The following TUFT1 variants were observed in gnomAD, a reference collection of about 807,000 sequenced individuals.
TUFT1 encodes tuftelin.
In TUFT1, 43 loss-of-function variants were observed where a neutral mutation model predicts 57.8. The observed-to-expected ratio is 0.74, with a 90% confidence interval of 0.58 to 0.96. The LOEUF (loss-of-function observed/expected upper bound fraction) is 0.96. TUFT1 is among the 40% of genes least tolerant of loss of function. The pLI, the probability that TUFT1 is intolerant of heterozygous loss-of-function variation, is 0.00. For synonymous variants in TUFT1, 166 were observed against 176.7 expected (o/e 0.94, Z 0.48); for missense variants, 459 against 489.0 (o/e 0.94, Z 0.58).
chr1:151,556,348 C>T (rs762755569), intron 1 of TUFT1, among the ~76,000 whole-genome samples: 10 of 151,430 alleles, frequency 6.6e-5, no homozygotes, highest in Non-Finnish European at 1.5e-4. Context: ...CCTTCCTTTT[C>T]CCTTTCCCTC....
chr1:151,563,578 G>A (rs1372362626), intron 3 of TUFT1, among the ~76,000 whole-genome samples: 1 of 152,180 alleles, frequency 6.6e-6, no homozygotes, highest in African/African-American at 2.4e-5. Context: ...TGTGATGTTT[G>A]TACAAGGATG....
intron 5 of TUFT1, chr1:151,565,910 CT>C (rs942958691): frequency 5.6e-4 from 225 of 404,934 alleles, no homozygotes; most frequent in Middle Eastern, 3.7e-3. Flanking sequence ...TCTCCACCCC[CT>C]CTTGTTTCTA....
chr1:151,566,250 G>T, intron 6 of TUFT1, 22 bp downstream of exon 6: 1 of 1,602,884 alleles, frequency 6.2e-7, no homozygotes. Context: ...AGGACACCAT[G>T]GTGGCTCCGC....
At chr1:151,560,844 A>G (rs201303135) in intron 1 of TUFT1, among the ~76,000 whole-genome samples, 1 of 151,916 alleles carries the variant, frequency 6.6e-6, no homozygotes, top group Non-Finnish European at 1.5e-5. Flanking sequence ...CAGGTGATTT[A>G]CTCTGCCTTG....
chr1:151,546,410 T>A (rs1008582649), intron 1 of TUFT1, among the ~76,000 whole-genome samples: 3 of 152,242 alleles, frequency 2.0e-5, no homozygotes, highest in Non-Finnish European at 4.4e-5. Flanking sequence ...ATTTAAAGTA[T>A]GTAACTCAGT....
chr1:151,575,374 C>T (rs1414327608), intron 9 of TUFT1, among the ~76,000 whole-genome samples: 1 of 152,126 alleles, frequency 6.6e-6, no homozygotes, highest in Non-Finnish European at 1.5e-5. Flanking sequence ...CAAAAATTGA[C>T]TGTAAACTGT....
In TUFT1 at chr1:151,564,530, G is replaced by A. The variant is rs1666002132; in HGVS notation, c.330G>A (p.Arg110=). 1 of 1,613,920 alleles carries A rather than the reference G, an allele frequency of 6.2e-7. No individual in the cohort carries two copies. The highest frequency in any genetic ancestry group is 8.5e-7 in the Non-Finnish European group (1 of 1,179,896). The change falls in exon 5 of 13, where the codon AGG becomes AGA. Residue 110 remains arginine, a synonymous_variant. Coordinates refer to ENST00000368849, the MANE Select transcript of TUFT1 (RefSeq NM_020127.3). ...TTCTTCCCCTCCCCTCCCAGGCCAGGAACTGCCTACAGAAGCTCCGGGAGG... is the reference window on the plus strand; with the variant it reads ...TTCTTCCCCTCCCCTCCCAGGCCAGAAACTGCCTACAGAAGCTCCGGGAGG... The part of the protein sequence containing the change: ...KSEVQYIQEA[R]NCLQKLREDI...
chr1:151,570,383 G>A (rs1666219244), intron 7 of TUFT1, among the ~76,000 whole-genome samples: 1 of 152,144 alleles, frequency 6.6e-6, no homozygotes, highest in Admixed American at 6.5e-5. Flanking sequence ...CCGGATTCAA[G>A]CAATTCTCCT....
intron 6 of TUFT1, 71 bp downstream of exon 6, chr1:151,566,299 T>C (rs1558010231): frequency 4.7e-6 from 6 of 1,270,870 alleles, no homozygotes; most frequent in Non-Finnish European, 5.6e-6. Context: ...CATCCTTTTG[T>C]TTATTGCTTT....
At chr1:151,572,403 G>A (rs905678846) in intron 7 of TUFT1, among the ~76,000 whole-genome samples, 2 of 152,012 alleles carry the variant, frequency 1.3e-5, no homozygotes, top group African/African-American at 4.8e-5. Flanking sequence ...TGGGGTGCAA[G>A]AATCAGACCA....
At chr1:151,549,901 T>G (rs1665455456) in intron 1 of TUFT1, among the ~76,000 whole-genome samples, 1 of 152,170 alleles carries the variant, frequency 6.6e-6, no homozygotes. Flanking sequence ...TTTGTACTTT[T>G]TGTAGAGACA....
intron 1 of TUFT1, among the ~76,000 whole-genome samples, chr1:151,558,699 C>G (rs1665790746): frequency 6.6e-6 from 1 of 151,982 alleles, no homozygotes; most frequent in African/African-American, 2.4e-5. Flanking sequence ...CCTTCATTAG[C>G]TAATAACCCC....
At chr1:151,554,455 A>T (rs1481305477) in intron 1 of TUFT1, among the ~76,000 whole-genome samples, 1 of 152,312 alleles carries the variant, frequency 6.6e-6, no homozygotes, top group Non-Finnish European at 1.5e-5. Context: ...GTCGGAGTGC[A>T]GTGGCACGAT....
Position 151,540,313 on chromosome 1 carries a change from G to T in TUFT1, c.-54G>T. 1.9e-6 allele frequency: 3 copies of T among 1,612,502 alleles called. No homozygotes were observed. Among genetic ancestry groups the T allele is most frequent in the Non-Finnish European group, 2.5e-6 (3 of 1,178,922 alleles). ...CGGTTCCGCGCGCGCCCGCCCAGTT[G>T]GAGCCAGACAGCGGGGTGGACAAGT... On this transcript the variant is annotated 5_prime_UTR_variant, in exon 1 of 13. Coordinates refer to ENST00000368849, the MANE Select transcript of TUFT1 (RefSeq NM_020127.3).
intron 4 of TUFT1, 51 bp from the exon 5 acceptor site, chr1:151,564,474 A>G: frequency 7.0e-7 from 1 of 1,424,096 alleles, no homozygotes; most frequent in Non-Finnish European, 9.9e-7. Context: ...GTGAGTTGGC[A>G]TGCTCTCTTT....
At chr1:151,555,908 C>T (rs1194128242) in intron 1 of TUFT1, among the ~76,000 whole-genome samples, 1 of 152,002 alleles carries the variant, frequency 6.6e-6, no homozygotes, top group Non-Finnish European at 1.5e-5. Flanking sequence ...CTATCACAAC[C>T]AGGATATTGG....
intron 1 of TUFT1, 127 bp downstream of exon 1, chr1:151,540,553 G>A: frequency 9.6e-7 from 1 of 1,041,602 alleles, no homozygotes; most frequent in Non-Finnish European, 1.4e-6. Context: ...AGCCCTGCGC[G>A]GCGCTTCTCT....
chr1:151,581,034 C>G lies in TUFT1; in HGVS notation c.1101C>G (p.Asn367Lys). 6.2e-7 allele frequency: 1 copy of G among 1,614,124 alleles called. No individual in the cohort carries two copies. Among genetic ancestry groups the G allele is most frequent in the Non-Finnish European group, 8.5e-7 (1 of 1,180,012 alleles). ...CCCAGGCCCGGGCCAAGACAGAGAA[C>G]CCGGGCAGGTGAGTGAGCGTGTGTA... ...FSTQARAKTE[N>K]PGSIRISKPP... The change falls in exon 12 of 13, where the codon AAC becomes AAG. Residue 367 changes from asparagine to lysine, a missense_variant. Transcript: ENST00000368849.
At chr1:151,575,803 A>T (rs557332644) in intron 9 of TUFT1, among the ~76,000 whole-genome samples, 1 of 152,384 alleles carries the variant, frequency 6.6e-6, no homozygotes, top group East Asian at 1.9e-4. Context: ...AGGAATTCCA[A>T]GATGAACAGA....
Sources: gnomAD v4.1 joint callset for allele counts (sites outside exome capture counted in the v4.1 genomes callset) on GRCh38, gnomAD v4.1.1 for gene constraint, MANE v1.5 for transcripts, NCBI Gene and HGNC (gene_info 2026-07-23, HGNC 2026-07-21) for gene names.